ZFAT: variants seen among roughly 807,000 people sequenced by gnomAD.
ZFAT encodes the protein zinc finger and AT-hook domain containing, also known as zinc finger protein ZFAT.
A neutral mutation model predicts 117.7 loss-of-function variants in ZFAT; 64 were observed. That is an observed-to-expected ratio of 0.54 (90% confidence interval 0.44 to 0.67). The LOEUF is 0.67. Ranked by LOEUF, ZFAT falls within the 30% of genes least tolerant of loss-of-function variation. ZFAT has a pLI of 0.00. For synonymous variants in ZFAT, 679 were observed against 615.0 expected (o/e 1.10, Z -1.54); for missense variants, 1,433 against 1,584.5 (o/e 0.90, Z 1.62).
At chr8:134,548,567 T>A (rs1198342572) in intron 11 of ZFAT, among the ~76,000 whole-genome samples, 11 of 152,242 alleles carry the variant, frequency 7.2e-5, no homozygotes, top group Admixed American at 7.2e-4. Context: ...GGGTTCATTA[T>A]ACTATTTTCT....
the ZFAT span, among the ~76,000 whole-genome samples, chr8:134,759,093 T>C: frequency 6.6e-6 from 1 of 152,156 alleles, no homozygotes; most frequent in Non-Finnish European, 1.5e-5. Flanking sequence ...TAGGGAAAGG[T>C]ATAAATTTTG....
intron 10 of ZFAT, 45 bp from the exon 11 acceptor site, chr8:134,565,466 C>T (rs1013399837): frequency 6.4e-7 from 1 of 1,572,504 alleles, no homozygotes; most frequent in African/African-American, 1.4e-5. Context: ...AGGCCAACAG[C>T]TCCCACTGTG....
intron 1 of ZFAT, among the ~76,000 whole-genome samples, chr8:134,663,281 C>T (rs1368681432): frequency 6.6e-6 from 1 of 152,138 alleles, no homozygotes; most frequent in Non-Finnish European, 1.5e-5. Context: ...TCAAAGAACA[C>T]TGAATGGCAC....
At chr8:134,702,416 A>G (rs1409005114) in intron 1 of ZFAT, among the ~76,000 whole-genome samples, 1 of 152,216 alleles carries the variant, frequency 6.6e-6, no homozygotes, top group African/African-American at 2.4e-5. Context: ...TGTAGCCCCC[A>G]TAATTCCCAC....
At chr8:134,692,126 C>T (rs1481336864) in intron 1 of ZFAT, among the ~76,000 whole-genome samples, 5 of 152,140 alleles carry the variant, frequency 3.3e-5, no homozygotes, top group Admixed American at 2.6e-4. Context: ...CGTAAGCCAC[C>T]GTGCCCGGCC....
intron 14 of ZFAT, among the ~76,000 whole-genome samples, chr8:134,511,402 G>A (rs1421142223): frequency 1.3e-5 from 2 of 152,112 alleles, no homozygotes; most frequent in African/African-American, 2.4e-5. Flanking sequence ...GCTGGGCCTC[G>A]ACTCTCCCGT....
At chr8:134,831,668 TC>T in the ZFAT span, among the ~76,000 whole-genome samples, 118 of 150,222 alleles carry the variant, frequency 7.9e-4, 1 homozygote, top group African/African-American at 2.7e-3. Context: ...CCACGCCCGG[TC>T]CCCCCACTTC....
At chr8:134,730,972 C>T in the ZFAT span, among the ~76,000 whole-genome samples, 4 of 152,164 alleles carry the variant, frequency 2.6e-5, no homozygotes, top group African/African-American at 9.7e-5. Flanking sequence ...GAAACGGTTG[C>T]CCCTTGAGGC....
intron 11 of ZFAT, among the ~76,000 whole-genome samples, chr8:134,549,442 GAA>G (rs34384490): frequency 0.31 from 36,745 of 119,200 alleles, 5,489 homozygotes; most frequent in East Asian, 0.66. Context: ...CTCCGTCTCA[GAA>G]AAAAAAAAAA....
chr8:134,730,294 C>T, the ZFAT span, among the ~76,000 whole-genome samples: 2 of 152,264 alleles, frequency 1.3e-5, no homozygotes, highest in Non-Finnish European at 2.9e-5. Context: ...TACCCTGCAG[C>T]TTGCAGTTAT....
In ZFAT at chr8:134,600,424, C is replaced by T. The variant is rs1190690822; in HGVS notation, c.2475+12G>A. ...AGGGGAGACGGGGCTGCCGCTTGGG[C>T]TTGCTACTTACCAGTGCTGTGTGAA... On this transcript the variant is annotated intron_variant, in intron 7 of 15. Coordinates refer to ENST00000377838, the MANE Select transcript of ZFAT (RefSeq NM_020863.4). 1 of 1,612,712 alleles carries T rather than the reference C, an allele frequency of 6.2e-7. No homozygotes were observed. The highest frequency in any genetic ancestry group is 1.3e-5 in the African/African-American group (1 of 74,910).
At chr8:134,494,889 G>A (rs1818318312) in intron 15 of ZFAT, among the ~76,000 whole-genome samples, 1 of 152,166 alleles carries the variant, frequency 6.6e-6, no homozygotes, top group Admixed American at 6.5e-5. Context: ...TCACCCTACT[G>A]GTGTTGACAT....
At chr8:134,825,945 C>T in the ZFAT span, among the ~76,000 whole-genome samples, 6 of 150,796 alleles carry the variant, frequency 4.0e-5, no homozygotes, top group Admixed American at 1.3e-4. Flanking sequence ...GGCGTGAACC[C>T]GAGAGGCGGA....
intron 3 of ZFAT, among the ~76,000 whole-genome samples, chr8:134,623,199 T>C (rs1829254481): frequency 6.6e-6 from 1 of 152,148 alleles, no homozygotes; most frequent in Non-Finnish European, 1.5e-5. Context: ...CCCCAATCAA[T>C]GGAGTCTTCA....
chr8:134,519,690 G>A (rs531639160), intron 13 of ZFAT, among the ~76,000 whole-genome samples: 1 of 152,176 alleles, frequency 6.6e-6, no homozygotes, highest in South Asian at 2.1e-4. Context: ...GTCTGGTCTA[G>A]CCACACTCAC....
chr8:134,533,542 T>C (rs1821593076), intron 11 of ZFAT, among the ~76,000 whole-genome samples: 1 of 152,256 alleles, frequency 6.6e-6, no homozygotes, highest in African/African-American at 2.4e-5. Context: ...TCTCAGAACG[T>C]ATCCCTGCCA....
chr8:134,813,708 G>A, the ZFAT span, among the ~76,000 whole-genome samples: 8 of 151,928 alleles, frequency 5.3e-5, no homozygotes, highest in Non-Finnish European at 1.2e-4. Context: ...GTGAGCCACC[G>A]TGCCTGGCCT....
At chr8:134,481,280 C>A (rs934319573) in intron 15 of ZFAT, among the ~76,000 whole-genome samples, 39 of 152,138 alleles carry the variant, frequency 2.6e-4, no homozygotes, top group African/African-American at 9.4e-4. Flanking sequence ...AAATGCCACA[C>A]AAAGGAAAGG....
At chr8:134,674,470 C>T (rs1029391066) in intron 1 of ZFAT, among the ~76,000 whole-genome samples, 1 of 152,192 alleles carries the variant, frequency 6.6e-6, no homozygotes, top group African/African-American at 2.4e-5. Context: ...CACAGTGTAA[C>T]AAAAGCTGCC....
Sources: allele counts gnomAD v4.1 joint callset (sites outside exome capture counted in the v4.1 genomes callset), GRCh38; gene constraint gnomAD v4.1.1; transcripts MANE v1.5; gene names NCBI Gene and HGNC (gene_info 2026-07-23, HGNC 2026-07-21).